ARL15: variants seen among roughly 807,000 people sequenced by gnomAD.
The protein encoded by ARL15 is ARF like GTPase 15, also known as ADP-ribosylation factor-like protein 15.
A neutral mutation model predicts 25.2 loss-of-function variants in ARL15; 19 were observed. That is an observed-to-expected ratio of 0.75 (90% CI 0.53 to 1.10). ARL15 has a LOEUF of 1.10. Ranked by LOEUF, ARL15 falls within the 50% of genes least tolerant of loss-of-function variation. The pLI is 0.00. For synonymous variants in ARL15, 94 were observed against 86.8 expected (o/e 1.08, Z -0.46); for missense variants, 220 against 246.0 (o/e 0.89, Z 0.71).
intron 4 of ARL15, among the ~76,000 whole-genome samples, chr5:54,037,547 T>C (rs1469761726): frequency 6.6e-6 from 1 of 152,120 alleles, no homozygotes; most frequent in Non-Finnish European, 1.5e-5. Context: ...ACGTGATGTC[T>C]AATGCCTCCA....
At chr5:54,276,378 TA>T (rs1757930637) in intron 1 of ARL15, among the ~76,000 whole-genome samples, 1 of 152,232 alleles carries the variant, frequency 6.6e-6, no homozygotes, top group Admixed American at 6.5e-5. Context: ...AATTTGTTGC[TA>T]GAACCAGTAT....
intron 1 of ARL15, among the ~76,000 whole-genome samples, chr5:54,221,103 T>A (rs1185605748): frequency 1.3e-5 from 2 of 152,200 alleles, no homozygotes; most frequent in East Asian, 3.8e-4. Flanking sequence ...TCAATCTGTA[T>A]CACAGTTTGG....
intron 4 of ARL15, among the ~76,000 whole-genome samples, chr5:53,953,034 C>T (rs1422013895): frequency 6.6e-6 from 1 of 152,170 alleles, no homozygotes; most frequent in Non-Finnish European, 1.5e-5. Flanking sequence ...TACTACGCAG[C>T]TCCACTGTCA....
At position 54,075,706 on chromosome 5, in the gene ARL15, C is replaced by T. The variant is rs143783681; in HGVS notation, c.462+37496G>A. 2.4e-3 allele frequency: 365 copies of T among 152,258 alleles called. 1 individual carries two copies. The highest frequency in any genetic ancestry group is 8.3e-3 in the African/African-American group (346 of 41,528). The allele number at this position is 152,258 out of a possible 1,614,324, so 9.4% of individuals were successfully genotyped here. A position where few individuals can be genotyped will look rare whatever the true frequency, so the allele number is the denominator to read the frequency against. On this transcript the variant is annotated intron_variant, in intron 4 of 4. Coordinates refer to ENST00000504924, the MANE Select transcript of ARL15 (RefSeq NM_019087.3). Reference sequence around the variant, plus strand: ...TTTGGCATGTTGGCCAGGCTGGTCTCGAACTCCTGGCCTCAGGTAATCTGC... The same window carrying T: ...TTTGGCATGTTGGCCAGGCTGGTCTTGAACTCCTGGCCTCAGGTAATCTGC...
At chr5:53,907,030 T>C (rs1745267475) in intron 4 of ARL15, among the ~76,000 whole-genome samples, 1 of 152,132 alleles carries the variant, frequency 6.6e-6, no homozygotes, top group Non-Finnish European at 1.5e-5. Flanking sequence ...ATTAACCAAC[T>C]GGATGCGATG....
intron 4 of ARL15, among the ~76,000 whole-genome samples, chr5:54,046,409 A>C (rs898017538): frequency 3.3e-5 from 5 of 152,206 alleles, no homozygotes; most frequent in Non-Finnish European, 1.5e-5. Context: ...TGAACCCAGG[A>C]GGCAGAGGTT....
At chr5:54,080,936 A>G (rs1181939335) in intron 4 of ARL15, among the ~76,000 whole-genome samples, 4 of 152,198 alleles carry the variant, frequency 2.6e-5, no homozygotes, top group Non-Finnish European at 5.9e-5. Context: ...TGGCATGCAG[A>G]TGGCCACTTC....
chr5:53,961,745 T>A (rs1747380323), intron 4 of ARL15, among the ~76,000 whole-genome samples: 1 of 152,174 alleles, frequency 6.6e-6, no homozygotes, highest in Non-Finnish European at 1.5e-5. Context: ...GTATTATATT[T>A]CTGTGTTTCC....
chr5:54,049,223 C>A (rs545334886), intron 4 of ARL15, among the ~76,000 whole-genome samples: 1 of 152,028 alleles, frequency 6.6e-6, no homozygotes, highest in East Asian at 1.9e-4. Flanking sequence ...TATTATAATG[C>A]CTCTTAAATT....
chr5:54,031,782 C>T (rs1214303619), intron 4 of ARL15, among the ~76,000 whole-genome samples: 3 of 152,056 alleles, frequency 2.0e-5, no homozygotes, highest in South Asian at 2.1e-4. Context: ...GAACTAAATG[C>T]AGTTTCCCCA....
chr5:54,287,109 G>A (rs944858141), intron 1 of ARL15, among the ~76,000 whole-genome samples: 1 of 151,810 alleles, frequency 6.6e-6, no homozygotes, highest in Admixed American at 6.6e-5. Context: ...CAAACTCCTG[G>A]GCTCCAGTGA....
chr5:54,304,843 T>C (rs946238383), intron 1 of ARL15, among the ~76,000 whole-genome samples: 1 of 151,466 alleles, frequency 6.6e-6, no homozygotes, highest in African/African-American at 2.4e-5. Context: ...AACGAAACAA[T>C]GTACTTTTTT....
At chr5:54,247,704 G>A (rs1457817867) in intron 1 of ARL15, among the ~76,000 whole-genome samples, 1 of 152,000 alleles carries the variant, frequency 6.6e-6, no homozygotes, top group African/African-American at 2.4e-5. Context: ...AATGGAACAG[G>A]TGAGTCTATG....
At chr5:53,941,681 A>C (rs532740370) in intron 4 of ARL15, among the ~76,000 whole-genome samples, 1 of 152,122 alleles carries the variant, frequency 6.6e-6, no homozygotes, top group African/African-American at 2.4e-5. Flanking sequence ...TTCACATCTC[A>C]ACTATTAGAT....
intron 4 of ARL15, among the ~76,000 whole-genome samples, chr5:54,044,540 C>T (rs1003498857): frequency 2.6e-5 from 4 of 152,022 alleles, no homozygotes; most frequent in African/African-American, 7.2e-5. Flanking sequence ...CCACTGCACC[C>T]GGCCAAAACA....
At chr5:53,916,875 GC>G (rs1242955864) in intron 4 of ARL15, among the ~76,000 whole-genome samples, 1 of 152,084 alleles carries the variant, frequency 6.6e-6, no homozygotes, top group Non-Finnish European at 1.5e-5. Context: ...ATTTCATTTT[GC>G]TCTGCATATC....
intron 4 of ARL15, among the ~76,000 whole-genome samples, chr5:53,888,368 C>T (rs886696294): frequency 3.3e-5 from 5 of 152,100 alleles, no homozygotes; most frequent in South Asian, 2.1e-4. Context: ...GCAGCCTTGA[C>T]GTCCCAGGCT....
Position 54,045,222 on chromosome 5 carries a change from A to AAC in ARL15, c.462+67978_462+67979dup, listed in dbSNP as rs143199475. Among the ~76,000 whole-genome samples the AAC allele has an allele frequency of 4.4e-4, 66 of 151,212 alleles. 1 individual carries two copies. Among genetic ancestry groups the AAC allele is most frequent in the African/African-American group, 1.3e-3 (54 of 41,374 alleles). On this transcript the variant is annotated intron_variant, in intron 4 of 4. Transcript: ENST00000504924. ...AAGCATACCTTTAATAATTGGGACA[A>AAC]ACACACACACACACACAATTGGGCC...
chr5:54,079,654 T>G (rs1316927991), intron 4 of ARL15, among the ~76,000 whole-genome samples: 2 of 151,818 alleles, frequency 1.3e-5, no homozygotes, highest in Admixed American at 1.3e-4. Context: ...CACCAAAAAT[T>G]CAAAATAAAA....
Sources: allele counts gnomAD v4.1 joint callset (sites outside exome capture counted in the v4.1 genomes callset), GRCh38; gene constraint gnomAD v4.1.1; transcripts MANE v1.5; gene names NCBI Gene and HGNC (gene_info 2026-07-23, HGNC 2026-07-21).